ZNF385D: variants seen among roughly 807,000 people sequenced by gnomAD.
ZNF385D encodes the protein zinc finger protein 385D, also known as zinc finger protein 659.
In ZNF385D, 15 loss-of-function variants were observed where a neutral mutation model predicts 35.8. The observed-to-expected ratio is 0.42, with a 90% CI of 0.28 to 0.64. The LOEUF is 0.64. Ranked by LOEUF, ZNF385D falls within the 30% of genes least tolerant of loss-of-function variation. The pLI is 0.23. For missense variants in ZNF385D, 474 were observed against 494.6 expected (o/e 0.96, Z 0.39); for synonymous variants, 212 against 186.8 (o/e 1.13, Z -1.10).
chr3:21,947,460 C>T (rs188220852), intron 3 of ZNF385D, among the ~76,000 whole-genome samples: 1 of 151,996 alleles, frequency 6.6e-6, no homozygotes, highest in African/African-American at 2.4e-5. Flanking sequence ...AAGCCATTCT[C>T]CTGCCTCAGC....
chr3:21,835,967 G>A (rs943661261), intron 3 of ZNF385D, among the ~76,000 whole-genome samples: 1 of 151,852 alleles, frequency 6.6e-6, no homozygotes, highest in African/African-American at 2.4e-5. Flanking sequence ...TTGAGTTGAG[G>A]TGAGGAGTGA....
intron 3 of ZNF385D, among the ~76,000 whole-genome samples, chr3:21,938,129 A>T (rs7625025): frequency 0.078 from 11,930 of 152,188 alleles, 1,552 homozygotes; most frequent in African/African-American, 0.27. Context: ...TTCATTTTTG[A>T]TGTAATTTTA....
chr3:22,334,131 C>A (rs917130173), intron 2 of ZNF385D, among the ~76,000 whole-genome samples: 5 of 152,126 alleles, frequency 3.3e-5, no homozygotes, highest in Admixed American at 1.3e-4. Context: ...TCTTTATTTA[C>A]TGTAGTTCTC....
At chr3:22,339,189 A>C (rs1314127179) in intron 2 of ZNF385D, among the ~76,000 whole-genome samples, 1 of 152,182 alleles carries the variant, frequency 6.6e-6, no homozygotes, top group Non-Finnish European at 1.5e-5. Flanking sequence ...TCACAACTTA[A>C]AACATTTAGT....
chr3:22,299,932 A>T (rs1013675594), intron 2 of ZNF385D, among the ~76,000 whole-genome samples: 1 of 151,994 alleles, frequency 6.6e-6, no homozygotes, highest in African/African-American at 2.4e-5. Context: ...CAAAATTTCA[A>T]TGACATTTCT....
At chr3:22,050,101 C>T (rs952397692) in intron 3 of ZNF385D, among the ~76,000 whole-genome samples, 1 of 151,844 alleles carries the variant, frequency 6.6e-6, no homozygotes, top group Non-Finnish European at 1.5e-5. Flanking sequence ...TGCAGTGGCT[C>T]ATGCCTGTGA....
chr3:22,240,014 A>C (rs1410555561), intron 2 of ZNF385D, among the ~76,000 whole-genome samples: 33 of 141,408 alleles, frequency 2.3e-4, no homozygotes, highest in Admixed American at 2.3e-3. Flanking sequence ...CAGTCTCTAC[A>C]AAAAAAAAAA....
chr3:22,249,271 T>TC (rs1270412829), intron 2 of ZNF385D, among the ~76,000 whole-genome samples: 1 of 151,824 alleles, frequency 6.6e-6, no homozygotes, highest in Non-Finnish European at 1.5e-5. Flanking sequence ...ACAACCAGAA[T>TC]CCCCCCACCC....
At chr3:21,556,975 T>C (rs753202242) in intron 3 of ZNF385D, among the ~76,000 whole-genome samples, 2 of 152,162 alleles carry the variant, frequency 1.3e-5, no homozygotes, top group African/African-American at 4.8e-5. Flanking sequence ...CCTCTGTCTG[T>C]TATTGGTGTA....
At chr3:21,494,814 T>A (rs75808875) in intron 4 of ZNF385D, among the ~76,000 whole-genome samples, 1,741 of 152,274 alleles carry the variant, frequency 0.011, 37 homozygotes, top group African/African-American at 0.039. Flanking sequence ...TACTGAGTAC[T>A]CAATGTTGAT....
chr3:21,558,111 ATTTT>A, intron 3 of ZNF385D, among the ~76,000 whole-genome samples: 2 of 126,134 alleles, frequency 1.6e-5, no homozygotes, highest in African/African-American at 6.0e-5. Flanking sequence ...GGATTCATTG[ATTTT>A]TTTTTTTTTT....
chr3:21,866,041 T>C (rs1697332508), intron 3 of ZNF385D, among the ~76,000 whole-genome samples: 1 of 152,060 alleles, frequency 6.6e-6, no homozygotes, highest in South Asian at 2.1e-4. Context: ...TTCATGTGTA[T>C]CTATTTATAA....
intron 3 of ZNF385D, among the ~76,000 whole-genome samples, chr3:21,855,525 A>G (rs879816093): frequency 7.2e-5 from 11 of 152,046 alleles, no homozygotes; most frequent in Admixed American, 2.6e-4. Flanking sequence ...ATTTGCAAAG[A>G]AAGTTAGAAT....
At chr3:22,156,155 G>A (rs1174919963) in intron 3 of ZNF385D, among the ~76,000 whole-genome samples, 1 of 151,966 alleles carries the variant, frequency 6.6e-6, no homozygotes, top group African/African-American at 2.4e-5. Context: ...TACTTATCAG[G>A]TTAAAAATAT....
intron 4 of ZNF385D, among the ~76,000 whole-genome samples, chr3:21,437,697 T>A (rs1282541828): frequency 6.5e-4 from 1 of 1,548 alleles, no homozygotes; most frequent in African/African-American, 1.7e-3. Context: ...TGCAAATGCT[T>A]ATACAAAAAA....
At chr3:21,424,106 C>T (rs781693912) in intron 6 of ZNF385D, 42 bp from the exon 7 acceptor site, 2 of 1,499,334 alleles carry the variant, frequency 1.3e-6, no homozygotes, top group East Asian at 5.0e-5. Context: ...AAAAAATCAT[C>T]TGCAAAAACC....
intron 3 of ZNF385D, among the ~76,000 whole-genome samples, chr3:21,762,112 C>T (rs1278244391): frequency 3.3e-5 from 5 of 151,844 alleles, no homozygotes; most frequent in East Asian, 1.9e-4. Flanking sequence ...CTCCTGACCT[C>T]GTGATCTGCC....
At chr3:22,147,386 T>C (rs1014881147) in intron 3 of ZNF385D, among the ~76,000 whole-genome samples, 1 of 152,128 alleles carries the variant, frequency 6.6e-6, no homozygotes, top group African/African-American at 2.4e-5. Context: ...CCATGGGAAT[T>C]GGCCATAGCC....
In ZNF385D at chr3:22,288,412, C is replaced by G. The variant is rs115980591; in HGVS notation, c.106+84038G>C. Among the ~76,000 whole-genome samples the G allele has an allele frequency of 4.1e-3, 620 of 151,152 alleles. 4 individuals are homozygous for G. Among genetic ancestry groups the G allele is most frequent in the African/African-American group, 0.014 (579 of 40,718 alleles). On this transcript the variant is annotated intron_variant, in intron 2 of 5. Coordinates refer to the ZNF385D transcript ENST00000494108. ...TCACTTGACCGTTTCCCATAATTTT[C>G]TTAAGCCATCTTCCATCTTTCATTT...
Sources: gnomAD v4.1 joint callset for allele counts (sites outside exome capture counted in the v4.1 genomes callset) on GRCh38, gnomAD v4.1.1 for gene constraint, MANE v1.5 for transcripts, NCBI Gene and HGNC (gene_info 2026-07-23, HGNC 2026-07-21) for gene names.